PTPRZ1: variants seen among roughly 807,000 people sequenced by gnomAD.
PTPRZ1 encodes the protein protein tyrosine phosphatase receptor type Z1.
In PTPRZ1, 82 loss-of-function variants were observed where a neutral mutation model predicts 214.1. That is an observed-to-expected ratio of 0.38 (90% CI 0.32 to 0.46). The LOEUF (loss-of-function observed/expected upper bound fraction) is 0.46. Ranked by LOEUF, PTPRZ1 falls within the 20% of genes least tolerant of loss-of-function variation. The pLI, the probability that PTPRZ1 is intolerant of heterozygous loss-of-function variation, is 1.00. For synonymous variants in PTPRZ1, 945 were observed against 987.9 expected, an observed-to-expected ratio of 0.96 and a Z score of 0.81; for missense variants, 2,603 against 2,748.7, an observed-to-expected ratio of 0.95 and a Z score of 1.19.
intron 10 of PTPRZ1, among the ~76,000 whole-genome samples, chr7:122,003,528 A>G (rs1798387278): frequency 6.6e-6 from 1 of 152,198 alleles, no homozygotes; most frequent in Non-Finnish European, 1.5e-5. Flanking sequence ...GGTATGATCA[A>G]CATTTAATGT....
intron 10 of PTPRZ1, among the ~76,000 whole-genome samples, chr7:122,000,046 G>A (rs1798271792): frequency 6.6e-6 from 1 of 152,210 alleles, no homozygotes; most frequent in African/African-American, 2.4e-5. Context: ...GTAAAAGATG[G>A]TATTTGATTT....
At chr7:122,047,726 G>A (rs1211918639) in intron 23 of PTPRZ1, among the ~76,000 whole-genome samples, 1 of 150,326 alleles carries the variant, frequency 6.7e-6, no homozygotes, top group East Asian at 2.0e-4. Context: ...TCGGCTCACT[G>A]CAACCTTCCT....
intron 2 of PTPRZ1, among the ~76,000 whole-genome samples, chr7:121,953,574 T>G (rs1007505002): frequency 6.6e-6 from 1 of 152,248 alleles, no homozygotes; most frequent in Non-Finnish European, 1.5e-5. Flanking sequence ...AGACTAACTT[T>G]TCTCTTGTAC....
chr7:121,995,719 G>T (rs1349749432), intron 8 of PTPRZ1, among the ~76,000 whole-genome samples: 1 of 152,124 alleles, frequency 6.6e-6, no homozygotes, highest in Non-Finnish European at 1.5e-5. Context: ...TACTGAAATG[G>T]CAATTTTAGG....
Position 121,972,563 on chromosome 7 carries a change from C to T in PTPRZ1, c.327C>T (p.Asp109=), listed in dbSNP as rs368094138. Residue 109 remains aspartate (D), a synonymous_variant, in exon 4 of 30, where the codon GAC becomes GAT. Coordinates refer to ENST00000393386, the MANE Select transcript of PTPRZ1 (RefSeq NM_002851.3). ...TAGTGGAAATTAATCTCACTAATGA[C>T]TACCGTGTCAGCGGAGGAGTTTCAG... is the stretch of plus-strand genomic sequence containing the variant. ...GKTVEINLTN[D]YRVSGGVSEM... The T allele has an allele frequency of 8.9e-5, 143 of 1,610,586 alleles. No homozygotes were observed. The highest frequency in any genetic ancestry group is 1.2e-4 in the Non-Finnish European group (137 of 1,178,672).
At chr7:122,042,994 C>T (rs1047694775) in intron 22 of PTPRZ1, among the ~76,000 whole-genome samples, 1 of 152,162 alleles carries the variant, frequency 6.6e-6, no homozygotes, top group Non-Finnish European at 1.5e-5. Context: ...CAGCACAATT[C>T]CAGTCTCAGT....
At chr7:121,893,746 A>G (rs980389187) in intron 1 of PTPRZ1, among the ~76,000 whole-genome samples, 11 of 152,208 alleles carry the variant, frequency 7.2e-5, no homozygotes, top group African/African-American at 2.7e-4. Flanking sequence ...GTTATTCACC[A>G]TGCATTCATG....
At chr7:121,955,199 A>G (rs1796666729) in intron 2 of PTPRZ1, among the ~76,000 whole-genome samples, 1 of 152,216 alleles carries the variant, frequency 6.6e-6, no homozygotes, top group African/African-American at 2.4e-5. Flanking sequence ...AAGTATGTGG[A>G]TAATAAGCAT....
chr7:122,017,077 C>T (rs1416830939), intron 12 of PTPRZ1, among the ~76,000 whole-genome samples: 1 of 152,082 alleles, frequency 6.6e-6, no homozygotes, highest in Non-Finnish European at 1.5e-5. Context: ...ATAATATTAA[C>T]CACCATTTGT....
chr7:122,036,419 A>G (rs950077092), intron 17 of PTPRZ1, among the ~76,000 whole-genome samples, 181 bp from the exon 18 acceptor site: 1 of 152,028 alleles, frequency 6.6e-6, no homozygotes, highest in African/African-American at 2.4e-5. Flanking sequence ...GAGGGTGGAG[A>G]TTCTTTTTAT....
In PTPRZ1 at chr7:122,010,742, A is replaced by G; in HGVS notation, c.1696A>G (p.Thr566Ala). ...TAESLNTVSI[T>A]EYEEESLLTS... ...AGAATCCTTAAATACAGTTTCTATA[A>G]CAGAATATGAGGAGGAGAGTTTATT... Residue 566 changes from threonine (T) to alanine (A), a missense_variant, in exon 12 of 30, where the codon ACA becomes GCA. Physicochemically the swap from Thr to Ala is moderately conservative, Grantham distance 58. Coordinates refer to ENST00000393386, the MANE Select transcript of PTPRZ1 (RefSeq NM_002851.3). The G allele has an allele frequency of 6.2e-7, 1 of 1,613,996 alleles. No homozygotes were observed. Among genetic ancestry groups the G allele is most frequent in the Non-Finnish European group, 8.5e-7 (1 of 1,179,976 alleles).
At chr7:122,034,191 T>C (rs1463926136) in intron 16 of PTPRZ1, 76 bp downstream of exon 16, 1 of 1,563,436 alleles carries the variant, frequency 6.4e-7, no homozygotes, top group Middle Eastern at 1.7e-4. Flanking sequence ...TTTGATAGAT[T>C]ATTTTGTTTG....
Position 122,051,139 on chromosome 7 carries a change from G to A in PTPRZ1, c.6085-289G>A, listed in dbSNP as rs140201663. Among the ~76,000 whole-genome samples, 1,040 of 152,216 alleles carry A rather than the reference G, an allele frequency of 6.8e-3. 7 individuals carry two copies. The highest frequency in any genetic ancestry group is 0.014 in the Middle Eastern group (4 of 294). On this transcript the variant is annotated intron_variant, in intron 23 of 29. Coordinates refer to ENST00000393386, the MANE Select transcript of PTPRZ1 (RefSeq NM_002851.3). ...GTGAGATTTAAATAGAGGAAATGGA[G>A]GTTGCACATCTATAGTGGAAGCCGT...
Position 121,976,274 on chromosome 7 carries a change from A to G in PTPRZ1, c.552+6A>G, listed in dbSNP as rs983185624. 2.6e-6 allele frequency: 4 copies of G among 1,525,878 alleles called. No homozygotes were observed. Among genetic ancestry groups the G allele is most frequent in the Non-Finnish European group, 3.6e-6 (4 of 1,105,820 alleles). The allele number at this position is 1,525,878 out of a possible 1,614,324, so 94.5% of individuals were successfully genotyped here. On this transcript the variant is annotated splice_donor_region_variant and intron_variant, in intron 5 of 29. Transcript: ENST00000393386. ...CTTTATCCATTTTGTTTGAGGTAAT[A>G]TATATACACTTTACACTAATGTAAT...
chr7:121,892,708 A>G (rs1052288536), intron 1 of PTPRZ1, among the ~76,000 whole-genome samples: 1 of 81,272 alleles, frequency 1.2e-5, no homozygotes, highest in African/African-American at 4.1e-5. Flanking sequence ...ATATATATAT[A>G]TATATATATA....
rs757800214 is a variant in PTPRZ1 at position 122,011,925 on chromosome 7, G to T, written c.2879G>T (p.Gly960Val). 10 of 1,614,170 alleles carry T rather than the reference G, an allele frequency of 6.2e-6. No individual in the cohort carries two copies. The East Asian group carries it at 1.1e-4, about 18-fold the overall frequency. ...VHDSVGVTYQ[G>V]SLFSGPSHIP... ...GATTCTGTGGGTGTAACTTATCAGGGTTCCTTATTTAGCGGCCCTAGCCAT... is the reference window on the plus strand; with the variant it reads ...GATTCTGTGGGTGTAACTTATCAGGTTTCCTTATTTAGCGGCCCTAGCCAT... Residue 960 changes from glycine to valine, a missense_variant, in exon 12 of 30, where the codon GGT (glycine) becomes GTT (valine). Around this residue, in one of 6 missense-constraint regions of PTPRZ1, gnomAD observed 1,913 missense variants for 1,914.3 expected, o/e 1.00. Coordinates refer to ENST00000393386, the MANE Select transcript of PTPRZ1 (RefSeq NM_002851.3).
In PTPRZ1 at chr7:122,013,009, A is replaced by C; in HGVS notation, c.3963A>C (p.Glu1321Asp). The part of the protein sequence containing the change: ...VFATPVLSID[E>D]PLNTLINKLI... The stretch of plus-strand genomic sequence containing the variant: ...CTACACCTGTTTTATCAATTGATGA[A>C]CCATTAAATACACTAATAAATAAGC... The change falls in exon 12 of 30, where the codon GAA becomes GAC. Residue 1321 changes from glutamate (E) to aspartate (D), a missense_variant. By Grantham distance (45) the Glu-to-Asp change is conservative (BLOSUM62 2). Around this residue, in one of 6 missense-constraint regions of PTPRZ1, gnomAD observed 1,913 missense variants for 1,914.3 expected, o/e 1.00. Transcript: ENST00000393386. The C allele has an allele frequency of 6.2e-7, 1 of 1,614,148 alleles. No homozygotes were observed. Among genetic ancestry groups the C allele is most frequent in the South Asian group, 1.1e-5 (1 of 91,074 alleles).
chr7:121,917,718 G>C (rs1368574388), intron 1 of PTPRZ1, among the ~76,000 whole-genome samples: 1 of 151,974 alleles, frequency 6.6e-6, no homozygotes, highest in African/African-American at 2.4e-5. Flanking sequence ...TTTTTAAATT[G>C]TGGAAATACA....
chr7:121,961,778 A>G (rs950824693), intron 2 of PTPRZ1, among the ~76,000 whole-genome samples: 6 of 152,268 alleles, frequency 3.9e-5, no homozygotes, highest in Non-Finnish European at 8.8e-5. Flanking sequence ...GCAAGTTAAC[A>G]GACAAAATAC....
Sources: allele counts gnomAD v4.1 joint callset (sites outside exome capture counted in the v4.1 genomes callset), GRCh38; gene constraint gnomAD v4.1.1; regional missense constraint gnomAD v4.1.1; transcripts MANE v1.5; gene names NCBI Gene and HGNC (gene_info 2026-07-23, HGNC 2026-07-21).